Variants in DENND4A observed in about 807,000 individuals in gnomAD.
DENND4A encodes C-myc promoter-binding protein.
Under a neutral mutation model 199.3 loss-of-function variants are expected in DENND4A, and 70 were observed. The ratio of observed to expected loss-of-function variants is 0.35; its 90% CI spans 0.29 to 0.43. The LOEUF (loss-of-function observed/expected upper bound fraction) is 0.43, where lower values mean the gene tolerates loss of function less well. Among genes scored for constraint, DENND4A ranks in the 20% least tolerant of loss-of-function variants. DENND4A has a pLI of 1.00. For missense variants in DENND4A, 1,723 were observed against 2,255.8 expected, an observed-to-expected ratio of 0.76 and a Z score of 4.78; for synonymous variants, 686 against 766.9, an observed-to-expected ratio of 0.89 and a Z score of 1.74.
At chr15:65,662,833 T>C (rs901067378) in intron 32 of DENND4A, among the ~76,000 whole-genome samples, 3 of 152,182 alleles carry the variant, frequency 2.0e-5, no homozygotes, top group Non-Finnish European at 2.9e-5. Flanking sequence ...GAAGGCTTGT[T>C]GGAGTTGAGT....
At chr15:65,788,684 C>A (rs2077632745) in intron 1 of DENND4A, among the ~76,000 whole-genome samples, 1 of 151,226 alleles carries the variant, frequency 6.6e-6, no homozygotes, top group South Asian at 2.1e-4. Context: ...ATGGCAAAAC[C>A]CCATCTAAAA....
chr15:65,784,440 A>G (rs891291011), intron 1 of DENND4A, among the ~76,000 whole-genome samples: 10 of 149,238 alleles, frequency 6.7e-5, no homozygotes, highest in African/African-American at 2.5e-4. Context: ...CAACATGACG[A>G]GACCCCCATT....
intron 7 of DENND4A, among the ~76,000 whole-genome samples, chr15:65,733,395 AG>A (rs935563193): frequency 6.6e-6 from 1 of 152,144 alleles, no homozygotes; most frequent in East Asian, 1.9e-4. Context: ...AATCTTTCCT[AG>A]GGGGGAATAA....
In DENND4A at chr15:65,756,408, C is replaced by T; in HGVS notation, c.43G>A (p.Val15Ile). The T allele has an allele frequency of 6.2e-7, 1 of 1,613,358 alleles. No individual in the cohort carries two copies. The highest frequency in any genetic ancestry group is 8.5e-7 in the Non-Finnish European group (1 of 1,179,678). Residue 15 changes from valine to isoleucine, a missense_variant, in exon 3 of 33, where the codon GTA (valine) becomes ATA (isoleucine). By Grantham distance (29) the Val-to-Ile change is conservative. Transcript: ENST00000443035. ...TTTGAAACATCAGTTAATCCTGCTA[C>T]AACAAAGTAGTCAGCAACACGAGGC... is the stretch of plus-strand genomic sequence containing the variant. ...KGPRVADYFV[V>I]AGLTDVSKPL... is the part of the protein sequence containing the mutation.
chr15:65,776,896 G>A (rs962964868), intron 1 of DENND4A, among the ~76,000 whole-genome samples: 5 of 152,144 alleles, frequency 3.3e-5, no homozygotes, highest in African/African-American at 1.2e-4. Context: ...GCATGGGGCT[G>A]GGCACGGTGG....
Sources: allele counts gnomAD v4.1 joint callset (sites outside exome capture counted in the v4.1 genomes callset), GRCh38; gene constraint gnomAD v4.1.1; transcripts MANE v1.5; gene names NCBI Gene and HGNC (gene_info 2026-07-23, HGNC 2026-07-21).